Variants in XKR4 observed in about 807,000 individuals in gnomAD.
XKR4 encodes XK related 4, also known as XK-related protein 4.
XKR4 carries 12 observed loss-of-function variants against 53.9 expected under a neutral mutation model. The observed-to-expected ratio is 0.22, with a 90% CI of 0.14 to 0.36. The LOEUF (loss-of-function observed/expected upper bound fraction) is 0.36. XKR4 is among the 10% of genes least tolerant of loss of function. The pLI, the probability that XKR4 is intolerant of heterozygous loss-of-function variation, is 1.00. For missense variants in XKR4, 799 were observed against 859.5 expected (o/e 0.93, Z 0.88); for synonymous variants, 354 against 362.4 (o/e 0.98, Z 0.26).
intron 2 of XKR4, among the ~76,000 whole-genome samples, chr8:55,364,246 G>C (rs1490796350): frequency 2.0e-5 from 3 of 152,208 alleles, no homozygotes; most frequent in African/African-American, 7.2e-5. Context: ...GAGCAGGAAG[G>C]CAGCATCAAG....
chr8:55,128,833 G>A (rs142481317), intron 1 of XKR4, among the ~76,000 whole-genome samples: 1 of 146,810 alleles, frequency 6.8e-6, no homozygotes, highest in African/African-American at 2.7e-5. Flanking sequence ...AGTGCAAATG[G>A]CACCTGCTGT....
intron 1 of XKR4, 34 bp from the exon 2 acceptor site, chr8:55,357,644 C>T (rs749196708): frequency 1.9e-6 from 3 of 1,606,984 alleles, no homozygotes; most frequent in South Asian, 2.2e-5. Flanking sequence ...TATCATCACT[C>T]ATCTCTTTCT....
chr8:55,482,391 T>A (rs947268942), intron 2 of XKR4, among the ~76,000 whole-genome samples: 1 of 151,984 alleles, frequency 6.6e-6, no homozygotes, highest in African/African-American at 2.4e-5. Context: ...CTCTGGGGAC[T>A]GTTATGGGGT....
At position 55,327,438 on chromosome 8, in the gene XKR4, G is replaced by T. The variant is rs182873017; in HGVS notation, c.807-30240G>T. ...GTGAAGGAAAGTAGGTGCTCATAAAGTACACAAACTACTCAAATACCCTGT... is the reference window on the plus strand; with the variant it reads ...GTGAAGGAAAGTAGGTGCTCATAAATTACACAAACTACTCAAATACCCTGT... On this transcript the variant is annotated intron_variant, in intron 1 of 2. Transcript: ENST00000327381. Among the ~76,000 whole-genome samples the T allele has an allele frequency of 2.2e-3, 340 of 151,596 alleles. 1 individual carries two copies. Among genetic ancestry groups the T allele is most frequent in the African/African-American group, 7.8e-3 (322 of 41,322 alleles).
intron 2 of XKR4, among the ~76,000 whole-genome samples, chr8:55,441,327 A>G (rs1320377988): frequency 6.6e-6 from 1 of 152,186 alleles, no homozygotes; most frequent in Non-Finnish European, 1.5e-5. Flanking sequence ...CCAGGAAAAT[A>G]TAACAGTTCT....
At chr8:55,466,401 C>T (rs74942973) in intron 2 of XKR4, among the ~76,000 whole-genome samples, 60,869 of 151,224 alleles carry the variant, frequency 0.4, 12,987 homozygotes, top group East Asian at 0.53. Context: ...AACCAAACAC[C>T]TCGTGTTCTC....
intron 2 of XKR4, among the ~76,000 whole-genome samples, chr8:55,399,989 C>T (rs969333744): frequency 6.6e-6 from 1 of 152,200 alleles, no homozygotes; most frequent in African/African-American, 2.4e-5. Context: ...CCCCAACATG[C>T]TAAGTGTATG....
In XKR4 at chr8:55,538,370, C is replaced by G. The variant is rs1283065819; in HGVS notation, c.*14143C>G. ...TAGAAAGTGCTGTCATTCCTGAGAA[C>G]TGGCATTAACAGAAGAGAGCTGTGT... On this transcript the variant is annotated 3_prime_UTR_variant, in exon 3 of 3. Coordinates refer to ENST00000327381, the MANE Select transcript of XKR4 (RefSeq NM_052898.2). The G allele has an allele frequency of 6.6e-6, 1 of 152,220 alleles. No individual in the cohort carries two copies. Among genetic ancestry groups the G allele is most frequent in the Non-Finnish European group, 1.5e-5 (1 of 68,042 alleles). The allele number at this position is 152,220 out of a possible 1,614,324, so 9.4% of individuals were successfully genotyped here. A position where few individuals can be genotyped will look rare whatever the true frequency, so the allele number is the denominator to read the frequency against.
At chr8:55,169,836 A>T (rs1413862627) in intron 1 of XKR4, among the ~76,000 whole-genome samples, 1 of 152,234 alleles carries the variant, frequency 6.6e-6, no homozygotes, top group Non-Finnish European at 1.5e-5. Context: ...TATAGATAAG[A>T]AATCCCAACT....
chr8:55,244,271 C>T (rs557704271), intron 1 of XKR4, among the ~76,000 whole-genome samples: 3 of 152,266 alleles, frequency 2.0e-5, no homozygotes, highest in Non-Finnish European at 2.9e-5. Flanking sequence ...TTTGTGTCTA[C>T]GTGTACTCAA....
chr8:55,424,371 C>T (rs367902543), intron 2 of XKR4, among the ~76,000 whole-genome samples: 74 of 152,338 alleles, frequency 4.9e-4, no homozygotes, highest in African/African-American at 1.7e-3. Flanking sequence ...GTGGACTTAA[C>T]GCTTTCTAGA....
chr8:55,218,516 A>C (rs1369148629), intron 1 of XKR4, among the ~76,000 whole-genome samples: 4 of 152,224 alleles, frequency 2.6e-5, no homozygotes, highest in African/African-American at 9.6e-5. Context: ...TTACCACCAG[A>C]ATTAAATTTA....
At chr8:55,347,190 G>A (rs1331493888) in intron 1 of XKR4, among the ~76,000 whole-genome samples, 4 of 152,096 alleles carry the variant, frequency 2.6e-5, no homozygotes, top group African/African-American at 4.8e-5. Context: ...TGTCACTTAG[G>A]CCATATTATG....
intron 1 of XKR4, among the ~76,000 whole-genome samples, chr8:55,259,621 C>A (rs931414828): frequency 6.6e-6 from 1 of 152,124 alleles, no homozygotes; most frequent in Admixed American, 6.5e-5. Context: ...GGGTGAAGCA[C>A]ATTCCTGGAG....
chr8:55,232,427 G>A (rs1358187729), intron 1 of XKR4, among the ~76,000 whole-genome samples: 2 of 152,182 alleles, frequency 1.3e-5, no homozygotes, highest in African/African-American at 4.8e-5. Flanking sequence ...TGGAAAGCGT[G>A]CAAAGATGAA....
At chr8:55,459,131 T>C (rs1007199117) in intron 2 of XKR4, among the ~76,000 whole-genome samples, 3 of 152,226 alleles carry the variant, frequency 2.0e-5, no homozygotes, top group Non-Finnish European at 2.9e-5. Flanking sequence ...CTTACCTTTA[T>C]GGTCAATTGA....
chr8:55,299,467 T>C (rs757454229), intron 1 of XKR4, among the ~76,000 whole-genome samples: 73 of 152,252 alleles, frequency 4.8e-4, no homozygotes, highest in Non-Finnish European at 7.8e-4. Context: ...TCTGAAAGCA[T>C]TGGGGATCAC....
chr8:55,434,173 A>T (rs562332106), intron 2 of XKR4, among the ~76,000 whole-genome samples: 1 of 152,306 alleles, frequency 6.6e-6, no homozygotes, highest in East Asian at 1.9e-4. Flanking sequence ...CTATATATAC[A>T]TTAGAGAAAA....
rs1288990119 is a variant in XKR4, at chr8:55,524,014, A to G, written c.1740A>G (p.Pro580=). ...TCTTTCAAGTGAGGCCCACTGCCCC[A>G]TCCACCCCATCATCTCGCCCACCAC... ...VPVFQVRPTA[P]STPSSRPPRI... The change falls in exon 3 of 3, where the codon CCA becomes CCG. Residue 580 remains proline (P), a synonymous_variant. Coordinates refer to ENST00000327381, the MANE Select transcript of XKR4 (RefSeq NM_052898.2). 4 of 1,614,038 alleles carry G rather than the reference A, an allele frequency of 2.5e-6. No individual in the cohort carries two copies. The African/African-American group carries it at 5.3e-5, about 22-fold the overall frequency.
Sources: allele counts gnomAD v4.1 joint callset (sites outside exome capture counted in the v4.1 genomes callset), GRCh38; gene constraint gnomAD v4.1.1; transcripts MANE v1.5; gene names NCBI Gene and HGNC (gene_info 2026-07-23, HGNC 2026-07-21).